The following CNBD1 variants were observed in gnomAD, a reference collection of about 807,000 sequenced individuals.
The protein encoded by CNBD1 is cyclic nucleotide binding domain containing 1, also known as cyclic nucleotide-binding domain-containing protein 1.
CNBD1 carries 71 observed loss-of-function variants against 54.4 expected under a neutral mutation model. The ratio of observed to expected loss-of-function variants is 1.30; its 90% CI spans 1.08 to 1.59. The LOEUF is 1.59. Ranked by LOEUF, CNBD1 falls within the 40% of genes most tolerant of loss-of-function variation. The pLI is 0.00. For missense variants in CNBD1, 659 were observed against 518.0 expected (o/e 1.27, Z -2.64); for synonymous variants, 182 against 170.7 (o/e 1.07, Z -0.51).
At chr8:87,001,648 A>C (rs1808995597) in intron 4 of CNBD1, among the ~76,000 whole-genome samples, 1 of 152,088 alleles carries the variant, frequency 6.6e-6, no homozygotes, top group African/African-American at 2.4e-5. Flanking sequence ...TTCTGTAATC[A>C]CTCATTTTTT....
chr8:86,996,888 A>G (rs1357538990), intron 4 of CNBD1, among the ~76,000 whole-genome samples: 1 of 152,214 alleles, frequency 6.6e-6, no homozygotes, highest in Admixed American at 6.5e-5. Context: ...TCTGGTGAGG[A>G]CCAGCTTTAT....
intron 2 of CNBD1, among the ~76,000 whole-genome samples, chr8:87,390,931 A>G (rs939638734): frequency 3.3e-5 from 5 of 152,094 alleles, no homozygotes; most frequent in East Asian, 3.9e-4. Flanking sequence ...ATGAGTTCAT[A>G]TCCTTTGTAG....
At chr8:87,292,822 A>G (rs1164196464) in intron 8 of CNBD1, among the ~76,000 whole-genome samples, 1 of 152,168 alleles carries the variant, frequency 6.6e-6, no homozygotes, top group African/African-American at 2.4e-5. Flanking sequence ...TGGTGGTTCT[A>G]AAGTTCATCC....
intron 4 of CNBD1, among the ~76,000 whole-genome samples, chr8:87,062,107 T>C (rs1254857761): frequency 1.3e-5 from 2 of 152,224 alleles, no homozygotes; most frequent in Admixed American, 1.3e-4. Flanking sequence ...GCAAGTGAAA[T>C]ATTCATTCAA....
intron 8 of CNBD1, among the ~76,000 whole-genome samples, chr8:87,337,568 G>T (rs1809972322): frequency 6.6e-6 from 1 of 152,210 alleles, no homozygotes. Flanking sequence ...AATCTGTGTG[G>T]CTCCATGGTG....
intron 4 of CNBD1, among the ~76,000 whole-genome samples, chr8:87,071,730 T>C (rs1810762774): frequency 6.6e-6 from 1 of 152,094 alleles, no homozygotes; most frequent in Non-Finnish European, 1.5e-5. Context: ...TTACTCCTGA[T>C]TATGTGATCA....
At chr8:87,074,242 A>G (rs1489855630) in intron 4 of CNBD1, among the ~76,000 whole-genome samples, 1 of 151,996 alleles carries the variant, frequency 6.6e-6, no homozygotes, top group Non-Finnish European at 1.5e-5. Flanking sequence ...AGTTGACCAA[A>G]CCACAGAGAT....
intron 2 of CNBD1, among the ~76,000 whole-genome samples, chr8:87,424,555 G>C (rs1346333539): frequency 6.6e-6 from 1 of 152,164 alleles, no homozygotes; most frequent in Non-Finnish European, 1.5e-5. Flanking sequence ...TTCAGGAGCA[G>C]GTTGTTCAGT....
chr8:86,970,826 A>C (rs1294425302), intron 4 of CNBD1, among the ~76,000 whole-genome samples: 2 of 152,172 alleles, frequency 1.3e-5, no homozygotes, highest in Non-Finnish European at 2.9e-5. Context: ...CATTGTTTAC[A>C]CATACCACCT....
chr8:87,014,489 T>A (rs187740219), intron 4 of CNBD1, among the ~76,000 whole-genome samples: 2 of 152,224 alleles, frequency 1.3e-5, no homozygotes, highest in African/African-American at 4.8e-5. Context: ...TAAGCTTTAT[T>A]ACTAAAGTAA....
chr8:87,227,927 G>T (rs954847584), intron 5 of CNBD1, among the ~76,000 whole-genome samples: 1 of 148,798 alleles, frequency 6.7e-6, no homozygotes, highest in African/African-American at 2.6e-5. Flanking sequence ...TTTCTTGGAG[G>T]CTTTGCTCAT....
chr8:87,326,320 C>T (rs1809668416), intron 8 of CNBD1, among the ~76,000 whole-genome samples: 1 of 124,142 alleles, frequency 8.1e-6, no homozygotes, highest in East Asian at 2.1e-4. Context: ...TTGTGGCGTT[C>T]TCTGTATTTC....
At chr8:87,310,158 C>T (rs1809234850) in intron 8 of CNBD1, among the ~76,000 whole-genome samples, 1 of 151,974 alleles carries the variant, frequency 6.6e-6, no homozygotes, top group Admixed American at 6.6e-5. Context: ...AGTGTATGAC[C>T]AGTCCTGGCA....
chr8:87,104,520 G>T (rs749703162), intron 4 of CNBD1, among the ~76,000 whole-genome samples: 12 of 152,174 alleles, frequency 7.9e-5, no homozygotes, highest in Non-Finnish European at 1.6e-4. Flanking sequence ...AGTGATTGAG[G>T]TGGAGGCAGA....
At chr8:87,173,260 G>C (rs1813126434) in intron 4 of CNBD1, among the ~76,000 whole-genome samples, 1 of 152,130 alleles carries the variant, frequency 6.6e-6, no homozygotes, top group Non-Finnish European at 1.5e-5. Flanking sequence ...AGAAGTTGTA[G>C]TTGTTTTTGA....
At chr8:87,154,565 A>G (rs1812674969) in intron 4 of CNBD1, among the ~76,000 whole-genome samples, 1 of 152,224 alleles carries the variant, frequency 6.6e-6, no homozygotes, top group South Asian at 2.1e-4. Context: ...CTTCTTGGAA[A>G]GTTACAATGC....
chr8:86,976,997 A>G (rs1240908566), intron 4 of CNBD1, among the ~76,000 whole-genome samples: 2 of 151,882 alleles, frequency 1.3e-5, no homozygotes, highest in African/African-American at 2.4e-5. Context: ...TTCCTTTCCT[A>G]TTTCAATGTC....
At chr8:87,426,475 A>T (rs1270242029) in intron 2 of CNBD1, among the ~76,000 whole-genome samples, 1 of 152,208 alleles carries the variant, frequency 6.6e-6, no homozygotes, top group East Asian at 1.9e-4. Context: ...CACAACCATA[A>T]AATTGAGAGA....
chr8:87,224,218 T>C (rs1402603191), intron 5 of CNBD1, among the ~76,000 whole-genome samples: 8 of 151,540 alleles, frequency 5.3e-5, no homozygotes, highest in Non-Finnish European at 5.9e-5. Flanking sequence ...TGGTAGTTTC[T>C]TTTGCTGTGC....
Sources: gnomAD v4.1 joint callset for allele counts (sites outside exome capture counted in the v4.1 genomes callset) on GRCh38, gnomAD v4.1.1 for gene constraint, MANE v1.5 for transcripts, NCBI Gene and HGNC (gene_info 2026-07-23, HGNC 2026-07-21) for gene names.